The following ZBTB7C variants were observed in gnomAD, a reference collection of about 807,000 sequenced individuals.
The protein encoded by ZBTB7C is zinc finger and BTB domain-containing protein 7C.
In ZBTB7C, 8 loss-of-function variants were observed where a neutral mutation model predicts 25.7. The ratio of observed to expected loss-of-function variants is 0.31; its 90% CI spans 0.18 to 0.56. ZBTB7C has a LOEUF of 0.56. ZBTB7C is among the 20% of genes least tolerant of loss of function. The probability of loss-of-function intolerance (pLI) is 0.91; values close to 1 mark genes in which losing one functional copy is unlikely to be tolerated. For missense variants in ZBTB7C, 824 were observed against 855.2 expected, an observed-to-expected ratio of 0.96 and a Z score of 0.46; for synonymous variants, 394 against 369.0, an observed-to-expected ratio of 1.07 and a Z score of -0.78.
chr18:48,136,139 C>G (rs966974225), intron 3 of ZBTB7C, among the ~76,000 whole-genome samples: 1 of 152,166 alleles, frequency 6.6e-6, no homozygotes, highest in Non-Finnish European at 1.5e-5. Flanking sequence ...TCGTCCTTCC[C>G]AGGCCAGCCC....
intron 3 of ZBTB7C, among the ~76,000 whole-genome samples, chr18:48,167,171 A>T (rs1340212694): frequency 6.6e-6 from 1 of 151,550 alleles, no homozygotes; most frequent in Non-Finnish European, 1.5e-5. Context: ...GTTCCCGCCC[A>T]CTCCTGAATC....
intron 1 of ZBTB7C, among the ~76,000 whole-genome samples, chr18:48,362,749 AC>A (rs1212245772): frequency 6.6e-6 from 1 of 151,922 alleles, no homozygotes; most frequent in Non-Finnish European, 1.5e-5. Flanking sequence ...AACTCCACAC[AC>A]CCCCAAAACC....
At chr18:48,236,519 T>C (rs936448516) in intron 2 of ZBTB7C, among the ~76,000 whole-genome samples, 2 of 152,360 alleles carry the variant, frequency 1.3e-5, no homozygotes, top group South Asian at 4.1e-4. Context: ...GGATTTCGTT[T>C]GAGCTGGAGG....
chr18:48,362,455 G>C (rs896073639), intron 1 of ZBTB7C, among the ~76,000 whole-genome samples: 2 of 152,164 alleles, frequency 1.3e-5, no homozygotes, highest in Admixed American at 6.5e-5. Context: ...GAAGAGACCA[G>C]AGTTATCCCT....
chr18:48,091,249 T>TTTC (rs1198875928), intron 3 of ZBTB7C, among the ~76,000 whole-genome samples: 5 of 142,500 alleles, frequency 3.5e-5, no homozygotes, highest in African/African-American at 1.3e-4. Flanking sequence ...TTTTTTTTTT[T>TTTC]TTTTTTTTTT....
intron 3 of ZBTB7C, among the ~76,000 whole-genome samples, chr18:48,063,098 G>T (rs1356224286): frequency 6.6e-6 from 1 of 152,224 alleles, no homozygotes; most frequent in Non-Finnish European, 1.5e-5. Flanking sequence ...CAAGCCAAAA[G>T]GTGAGACCAA....
intron 3 of ZBTB7C, among the ~76,000 whole-genome samples, chr18:48,168,829 T>G (rs1468077290): frequency 2.6e-5 from 4 of 152,256 alleles, no homozygotes; most frequent in Admixed American, 1.3e-4. Flanking sequence ...CATGGCTTCT[T>G]ATGCCTATCC....
intron 1 of ZBTB7C, among the ~76,000 whole-genome samples, chr18:48,367,238 T>TAC (rs59885270): frequency 3.2e-4 from 30 of 92,356 alleles, no homozygotes; most frequent in African/African-American, 9.3e-4. Context: ...CACACATACA[T>TAC]ACACACACAC....
At chr18:48,088,905 A>C (rs1207474484) in intron 3 of ZBTB7C, among the ~76,000 whole-genome samples, 1 of 151,994 alleles carries the variant, frequency 6.6e-6, no homozygotes, top group African/African-American at 2.4e-5. Context: ...CAAATTAGGG[A>C]GCTTCCTCAA....
chr18:48,253,434 A>T (rs1331570774), intron 2 of ZBTB7C, among the ~76,000 whole-genome samples: 1 of 152,188 alleles, frequency 6.6e-6, no homozygotes, highest in South Asian at 2.1e-4. Context: ...GACATGAGGC[A>T]CTGAAAGACA....
intron 3 of ZBTB7C, among the ~76,000 whole-genome samples, chr18:48,163,737 C>T (rs1305176057): frequency 1.3e-5 from 2 of 152,104 alleles, no homozygotes; most frequent in Non-Finnish European, 2.9e-5. Context: ...TTAAGAGGGA[C>T]AACAAAAAAA....
intron 2 of ZBTB7C, among the ~76,000 whole-genome samples, chr18:48,287,288 T>C (rs1306119436): frequency 1.3e-5 from 2 of 152,234 alleles, no homozygotes; most frequent in Non-Finnish European, 2.9e-5. Context: ...ATATGCTTTA[T>C]TAACTTTATG....
At chr18:48,107,045 G>A (rs574257497) in intron 3 of ZBTB7C, among the ~76,000 whole-genome samples, 7 of 151,830 alleles carry the variant, frequency 4.6e-5, no homozygotes, top group African/African-American at 1.7e-4. Flanking sequence ...ATCAGGATGC[G>A]GAGTTTACCA....
intron 2 of ZBTB7C, among the ~76,000 whole-genome samples, chr18:48,205,317 A>T (rs1278024533): frequency 6.6e-6 from 1 of 152,108 alleles, no homozygotes; most frequent in Non-Finnish European, 1.5e-5. Flanking sequence ...AAAATTTTTA[A>T]ATACAACTTA....
At chr18:48,203,227 C>T (rs1039432143) in intron 2 of ZBTB7C, among the ~76,000 whole-genome samples, 1 of 152,132 alleles carries the variant, frequency 6.6e-6, no homozygotes, top group Admixed American at 6.5e-5. Flanking sequence ...AATTCATGCA[C>T]CAAGGCCTAA....
chr18:48,247,064 G>A (rs1004079046), intron 2 of ZBTB7C, among the ~76,000 whole-genome samples: 2 of 152,158 alleles, frequency 1.3e-5, no homozygotes, highest in Non-Finnish European at 2.9e-5. Context: ...ACATCAAGAC[G>A]CTAAGCAGGA....
At chr18:48,121,015 G>T (rs1321788656) in intron 3 of ZBTB7C, among the ~76,000 whole-genome samples, 2 of 152,242 alleles carry the variant, frequency 1.3e-5, no homozygotes, top group Non-Finnish European at 2.9e-5. Flanking sequence ...CTCCAGGGCA[G>T]GCACAAGTCC....
chr18:48,173,800 C>T (rs1264490230), intron 3 of ZBTB7C, among the ~76,000 whole-genome samples: 1 of 152,246 alleles, frequency 6.6e-6, no homozygotes, highest in African/African-American at 2.4e-5. Context: ...AGTCCACAGC[C>T]CTTCCTGGTA....
chr18:48,200,080 T>C (rs768352595), intron 2 of ZBTB7C, among the ~76,000 whole-genome samples: 1 of 152,104 alleles, frequency 6.6e-6, no homozygotes, highest in Non-Finnish European at 1.5e-5. Flanking sequence ...TTAGCCACCC[T>C]GCCTGGAGAA....
Sources: gnomAD v4.1 joint callset for allele counts (sites outside exome capture counted in the v4.1 genomes callset) on GRCh38, gnomAD v4.1.1 for gene constraint, MANE v1.5 for transcripts, NCBI Gene and HGNC (gene_info 2026-07-23, HGNC 2026-07-21) for gene names.